MIX23: variants seen among roughly 807,000 people sequenced by gnomAD.
MIX23 encodes the protein mitochondrial matrix import factor 23.
In MIX23, 13 loss-of-function variants were observed where a neutral mutation model predicts 21.6. The ratio of observed to expected loss-of-function variants is 0.60; its 90% CI spans 0.39 to 0.96. MIX23 has a LOEUF of 0.96. Ranked by LOEUF, MIX23 falls within the 40% of genes least tolerant of loss-of-function variation. The probability of loss-of-function intolerance (pLI) is 0.00; values close to 1 mark genes in which losing one functional copy is unlikely to be tolerated. For synonymous variants in MIX23, 59 were observed against 58.0 expected, an observed-to-expected ratio of 1.02 and a Z score of -0.08; for missense variants, 144 against 171.2, an observed-to-expected ratio of 0.84 and a Z score of 0.89.
In MIX23 at chr3:122,362,720, G is replaced by A. The variant is rs1242664878; in HGVS notation, c.384+248C>T. Among the ~76,000 whole-genome samples the A allele has an allele frequency of 2.0e-5, 3 of 152,108 alleles. No individual in the cohort carries two copies. The East Asian group carries it at 5.8e-4, about 29-fold the overall frequency. Reference sequence around the variant, plus strand: ...CTCCCAAAGTGTTGGGATTACAGGTGTGAGCCACCTCGCCTGGCCCTGTAA... The same window carrying A: ...CTCCCAAAGTGTTGGGATTACAGGTATGAGCCACCTCGCCTGGCCCTGTAA... On this transcript the variant is annotated intron_variant, in intron 4 of 4. Coordinates refer to ENST00000291458, the MANE Select transcript of MIX23 (RefSeq NM_001017928.4).
chr3:122,375,654 A>C (rs1257266685), intron 1 of MIX23, among the ~76,000 whole-genome samples: 4 of 152,128 alleles, frequency 2.6e-5, no homozygotes, highest in African/African-American at 7.2e-5. Flanking sequence ...TTATGTTTAA[A>C]ATCTTGTATA....
intron 1 of MIX23, among the ~76,000 whole-genome samples, chr3:122,379,194 A>G (rs2075511339): frequency 1.3e-5 from 2 of 152,236 alleles, no homozygotes; most frequent in South Asian, 4.1e-4. Flanking sequence ...TGGGTGATGA[A>G]GTAGTAGAGG....
chr3:122,361,923 G>A (rs73186087), intron 4 of MIX23, among the ~76,000 whole-genome samples: 4,744 of 152,236 alleles, frequency 0.031, 106 homozygotes, highest in Middle Eastern at 0.044. Context: ...TCTCTTATAA[G>A]CATATAGTTT....
intron 3 of MIX23, among the ~76,000 whole-genome samples, chr3:122,367,430 C>G (rs2075405216): frequency 6.6e-6 from 1 of 152,168 alleles, no homozygotes; most frequent in Non-Finnish European, 1.5e-5. Flanking sequence ...TGTAAAGAAA[C>G]AGTTCTGCTG....
chr3:122,383,033 C>G (rs2075547585), intron 1 of MIX23, 141 bp downstream of exon 1: 1 of 1,122,672 alleles, frequency 8.9e-7, no homozygotes, highest in South Asian at 1.2e-5. Context: ...CCCGCGCCCC[C>G]CATGACCTCC....
rs756206364 is a variant in MIX23 at position 122,359,876 on chromosome 3, T to C, written c.428A>G (p.Asn143Ser). 13 of 1,483,656 alleles carry C rather than the reference T, an allele frequency of 8.8e-6. No homozygotes were observed. The highest frequency in any genetic ancestry group is 1.2e-5 in the Non-Finnish European group (13 of 1,095,390). 91.9% of individuals were successfully genotyped at this position (1,483,656 alleles called of 1,614,324 possible). A position where few individuals can be genotyped will look rare whatever the true frequency, so the allele number is the denominator to read the frequency against. ...AAAAAAAAGAATCTCTCTTTATTCA[T>C]TCTTTGGAGGCTTGAAGTGAATTCG... ...RCRIHFKPPKNE is the reference protein window; with the variant it reads ...RCRIHFKPPKSE The change falls in exon 5 of 5, where the codon AAT becomes AGT. Residue 143 changes from asparagine to serine, a missense_variant. Coordinates refer to ENST00000291458, the MANE Select transcript of MIX23 (RefSeq NM_001017928.4).
chr3:122,376,882 T>A (rs1478803541), intron 1 of MIX23, among the ~76,000 whole-genome samples: 1 of 151,998 alleles, frequency 6.6e-6, no homozygotes, highest in African/African-American at 2.4e-5. Context: ...ATTTGTGTGA[T>A]GGGTAAATTA....
intron 4 of MIX23, 68 bp from the exon 5 acceptor site, chr3:122,359,987 C>A: frequency 1.4e-6 from 2 of 1,405,688 alleles, no homozygotes; most frequent in South Asian, 2.5e-5. Context: ...GAACTAAATT[C>A]AATTTAGTAG....
chr3:122,373,032 T>C, intron 1 of MIX23: 1 of 405,742 alleles, frequency 2.5e-6, no homozygotes, highest in Non-Finnish European at 4.9e-6. Context: ...TCTTTCCTCG[T>C]CCATTTGTTA....
chr3:122,369,887 C>T (rs1245495936), intron 2 of MIX23, among the ~76,000 whole-genome samples: 1 of 152,140 alleles, frequency 6.6e-6, no homozygotes, highest in Non-Finnish European at 1.5e-5. Flanking sequence ...GTAGCTGGGA[C>T]TATAGGCGCA....
At chr3:122,375,474 A>C (rs2075478176) in intron 1 of MIX23, among the ~76,000 whole-genome samples, 1 of 152,206 alleles carries the variant, frequency 6.6e-6, no homozygotes, top group Admixed American at 6.6e-5. Context: ...ATATAGACAG[A>C]AATTTTACAG....
chr3:122,380,235 T>C (rs1337028136), intron 1 of MIX23, among the ~76,000 whole-genome samples: 2 of 152,182 alleles, frequency 1.3e-5, no homozygotes, highest in Admixed American at 6.5e-5. Context: ...TGCCTGATGG[T>C]ACCCAGAAGT....
chr3:122,381,515 G>A (rs2075531295), intron 1 of MIX23, among the ~76,000 whole-genome samples: 1 of 152,116 alleles, frequency 6.6e-6, no homozygotes, highest in Admixed American at 6.5e-5. Context: ...ATCACCTGAG[G>A]TCTGGAGTTT....
chr3:122,377,295 A>G lies in MIX23; in HGVS notation c.52-5495T>C, dbSNP rs912400155. On this transcript the variant is annotated intron_variant, in intron 1 of 4. Coordinates refer to ENST00000291458, the MANE Select transcript of MIX23 (RefSeq NM_001017928.4). ...TGTTAACGTTTGAGATGCCTATTAG[A>G]TATCTGAGTAGAAGAGTGGAATAGA... is the stretch of plus-strand genomic sequence containing the variant. Among the ~76,000 whole-genome samples the G allele has an allele frequency of 4.6e-5, 7 of 152,224 alleles. No individual in the cohort carries two copies. The East Asian group carries it at 1.3e-3, about 29-fold the overall frequency.
intron 1 of MIX23, among the ~76,000 whole-genome samples, chr3:122,374,235 T>C (rs2075465974): frequency 6.6e-6 from 1 of 152,110 alleles, no homozygotes; most frequent in Non-Finnish European, 1.5e-5. Flanking sequence ...TTTCCTTGGT[T>C]ATGAAAGCCC....
chr3:122,383,034 C>A, intron 1 of MIX23, 140 bp downstream of exon 1: 1 of 1,131,650 alleles, frequency 8.8e-7, no homozygotes, highest in South Asian at 1.2e-5. Context: ...CCGCGCCCCC[C>A]ATGACCTCCA....
rs540115431 is a variant in MIX23 at position 122,370,452 on chromosome 3, G to A, written c.177+1223C>T. Among the ~76,000 whole-genome samples, 170 of 71,902 alleles carry A rather than the reference G, an allele frequency of 2.4e-3. 1 individual carries two copies. The highest frequency in any genetic ancestry group is 8.9e-3 in the African/African-American group (167 of 18,784). 47.2% of individuals were successfully genotyped at this position (71,902 alleles called of 152,430 possible). ...AGCCTGGGTGACAAAGTGAGACACTGTCTCAAAAAAAAAAAAAAAAAAAAA... is the reference window on the plus strand; with the variant it reads ...AGCCTGGGTGACAAAGTGAGACACTATCTCAAAAAAAAAAAAAAAAAAAAA... On this transcript the variant is annotated intron_variant, in intron 2 of 4. Transcript: ENST00000291458.
At chr3:122,380,860 C>T (rs139542660) in intron 1 of MIX23, among the ~76,000 whole-genome samples, 2 of 152,242 alleles carry the variant, frequency 1.3e-5, no homozygotes, top group Non-Finnish European at 2.9e-5. Flanking sequence ...AAAAATGATA[C>T]GGGCCTAAAC....
chr3:122,367,958 G>C (rs1312754577), intron 3 of MIX23: 2 of 539,850 alleles, frequency 3.7e-6, no homozygotes, highest in Non-Finnish European at 6.5e-6. Flanking sequence ...TTTAGACAAA[G>C]CTGCTATGCT....
Sources: gnomAD v4.1 joint callset for allele counts (sites outside exome capture counted in the v4.1 genomes callset) on GRCh38, gnomAD v4.1.1 for gene constraint, MANE v1.5 for transcripts, NCBI Gene and HGNC (gene_info 2026-07-23, HGNC 2026-07-21) for gene names.